The following SORCS1 variants were observed in gnomAD, a reference collection of about 807,000 sequenced individuals.
SORCS1 encodes sortilin related VPS10 domain containing receptor 1.
SORCS1 carries 60 observed loss-of-function variants against 146.1 expected under a neutral mutation model. That is an observed-to-expected ratio of 0.41 (90% CI 0.33 to 0.51). SORCS1 has a LOEUF of 0.51. SORCS1 is among the 20% of genes least tolerant of loss of function. The probability of loss-of-function intolerance (pLI) is 0.21; values close to 1 mark genes in which losing one functional copy is unlikely to be tolerated. For synonymous variants in SORCS1, 637 were observed against 584.0 expected (o/e 1.09, Z -1.31); for missense variants, 1,352 against 1,487.6 (o/e 0.91, Z 1.50).
chr10:107,070,066 T>C (rs1046145476), intron 1 of SORCS1, among the ~76,000 whole-genome samples: 10 of 152,262 alleles, frequency 6.6e-5, no homozygotes, highest in African/African-American at 1.9e-4. Flanking sequence ...TTCATATAAG[T>C]GGAATCATAC....
intron 2 of SORCS1, among the ~76,000 whole-genome samples, chr10:106,956,110 C>T (rs975470760): frequency 6.8e-6 from 1 of 147,694 alleles, no homozygotes; most frequent in Non-Finnish European, 1.5e-5. Flanking sequence ...GCCTGGGCAA[C>T]AAGACCAAAA....
At position 107,099,177 on chromosome 10, in the gene SORCS1, G is replaced by T. The variant is rs1314040868; in HGVS notation, c.558+64792C>A. Among the ~76,000 whole-genome samples the T allele has an allele frequency of 2.6e-5, 4 of 152,320 alleles. No individual in the cohort carries two copies. In the East Asian group the frequency reaches 7.7e-4, roughly 29 times the overall value. On this transcript the variant is annotated intron_variant, in intron 1 of 25. Coordinates refer to ENST00000263054, the MANE Select transcript of SORCS1 (RefSeq NM_052918.5). ...GAGTAGTAAAGTTGGGTTCAGTCTT[G>T]ATTGGCAGATAAAAGTTTTTCAGGG...
intron 1 of SORCS1, among the ~76,000 whole-genome samples, chr10:107,047,883 C>T (rs1590016226): frequency 6.6e-6 from 1 of 152,116 alleles, no homozygotes; most frequent in East Asian, 1.9e-4. Context: ...GAGTTCGAGA[C>T]CAGTCTGGGC....
intron 1 of SORCS1, among the ~76,000 whole-genome samples, chr10:107,020,921 A>G (rs942060154): frequency 4.6e-5 from 7 of 152,164 alleles, no homozygotes; most frequent in Non-Finnish European, 7.3e-5. Context: ...GCTTTTATTT[A>G]TAGATATAGA....
At chr10:107,128,211 G>T (rs937983360) in intron 1 of SORCS1, among the ~76,000 whole-genome samples, 3 of 152,056 alleles carry the variant, frequency 2.0e-5, no homozygotes, top group African/African-American at 7.2e-5. Context: ...ATAAACATAA[G>T]CCCTTCTTCC....
intron 5 of SORCS1, among the ~76,000 whole-genome samples, chr10:106,739,829 G>A (rs982967967): frequency 6.6e-6 from 1 of 151,742 alleles, no homozygotes; most frequent in African/African-American, 2.4e-5. Context: ...GTGGGCACCT[G>A]TAGTCCCAGC....
At chr10:107,166,159 C>A (rs1047286504), upstream of SORCS1, among the ~76,000 whole-genome samples, 1 of 152,122 alleles carries the variant, frequency 6.6e-6, no homozygotes, top group African/African-American at 2.4e-5. Context: ...AATGACACAA[C>A]AAAATAGTAC....
At chr10:106,753,494 C>A (rs1858409756) in intron 5 of SORCS1, among the ~76,000 whole-genome samples, 1 of 152,046 alleles carries the variant, frequency 6.6e-6, no homozygotes, top group Admixed American at 6.5e-5. Flanking sequence ...TTCAACAAGG[C>A]CTTGAGAATG....
At chr10:106,901,898 G>A (rs1951721369) in intron 2 of SORCS1, among the ~76,000 whole-genome samples, 1 of 152,070 alleles carries the variant, frequency 6.6e-6, no homozygotes, top group Non-Finnish European at 1.5e-5. Flanking sequence ...AAAAAAATTA[G>A]CCAGGCATGG....
chr10:106,695,945 C>T (rs1853670025), intron 9 of SORCS1, among the ~76,000 whole-genome samples: 1 of 152,136 alleles, frequency 6.6e-6, no homozygotes, highest in South Asian at 2.1e-4. Flanking sequence ...AGCCAGGTTC[C>T]AATGTATTTG....
chr10:106,847,504 T>A (rs1270108040), intron 2 of SORCS1, among the ~76,000 whole-genome samples: 1 of 14,852 alleles, frequency 6.7e-5, no homozygotes, highest in Non-Finnish European at 1.7e-4. Context: ...GCTAGCGGTC[T>A]ATCAATTTTG....
intron 1 of SORCS1, among the ~76,000 whole-genome samples, chr10:106,957,165 G>GTTTTTTTTTTTTTTTTTT (rs374081494): frequency 7.2e-6 from 1 of 138,028 alleles, no homozygotes; most frequent in Non-Finnish European, 1.5e-5. Flanking sequence ...GTTTTTTTTT[G>GTTTTTTTTTTTTTTTTTT]TTTTTTTTGT....
chr10:106,969,643 G>C (rs925683752), intron 1 of SORCS1, among the ~76,000 whole-genome samples: 1 of 152,204 alleles, frequency 6.6e-6, no homozygotes, highest in African/African-American at 2.4e-5. Context: ...ACTAGCCCAA[G>C]AAATTAGATC....
At chr10:106,858,781 A>T (rs560736605) in intron 2 of SORCS1, among the ~76,000 whole-genome samples, 8 of 152,280 alleles carry the variant, frequency 5.3e-5, no homozygotes, top group African/African-American at 1.7e-4. Flanking sequence ...ATTTTGCATA[A>T]GAAAGGGCAA....
At chr10:106,835,734 G>A (rs1328387982) in intron 2 of SORCS1, among the ~76,000 whole-genome samples, 1 of 152,120 alleles carries the variant, frequency 6.6e-6, no homozygotes, top group African/African-American at 2.4e-5. Context: ...AGCCGGGTGT[G>A]ATGGCTCATG....
intron 3 of SORCS1, among the ~76,000 whole-genome samples, chr10:106,808,657 C>T (rs1444520947): frequency 4.6e-5 from 7 of 152,212 alleles, no homozygotes; most frequent in African/African-American, 1.7e-4. Context: ...TGCCCGCCAC[C>T]TCGCCTGGCT....
At chr10:107,040,700 A>T (rs1017055506) in intron 1 of SORCS1, among the ~76,000 whole-genome samples, 8 of 152,216 alleles carry the variant, frequency 5.3e-5, no homozygotes, top group Non-Finnish European at 1.2e-4. Context: ...TGTTGTAAGG[A>T]TTACATAAGA....
intron 2 of SORCS1, among the ~76,000 whole-genome samples, chr10:106,953,046 T>C (rs1180564146): frequency 6.6e-6 from 1 of 152,038 alleles, no homozygotes; most frequent in Non-Finnish European, 1.5e-5. Context: ...CAGTTTCTAA[T>C]ATATCACATA....
rs181988456 is a variant in SORCS1 at position 106,734,807 on chromosome 10, C to T, written c.960-4693G>A. ...CAGTTAATTTATTTCTTCTCTTTTT[C>T]CCCCTTTTTATTTCAAGAAATGGGT... is the stretch of plus-strand genomic sequence containing the variant. On this transcript the variant is annotated intron_variant, in intron 5 of 25. Transcript: ENST00000263054. 2.4e-3 allele frequency among the ~76,000 whole-genome samples: 372 copies of T among 152,150 alleles called. 5 individuals carry two copies. Among genetic ancestry groups the T allele is most frequent in the African/African-American group, 8.5e-3 (352 of 41,518 alleles).
Sources: allele counts gnomAD v4.1 joint callset (sites outside exome capture counted in the v4.1 genomes callset), GRCh38; gene constraint gnomAD v4.1.1; transcripts MANE v1.5; gene names NCBI Gene and HGNC (gene_info 2026-07-23, HGNC 2026-07-21).